NKAIN3: variants seen among roughly 807,000 people sequenced by gnomAD.
NKAIN3 encodes the protein sodium/potassium transporting ATPase interacting 3, also known as sodium/potassium-transporting ATPase subunit beta-1-interacting protein 3.
A neutral mutation model predicts 30.2 loss-of-function variants in NKAIN3; 25 were observed. The ratio of observed to expected loss-of-function variants is 0.83; its 90% CI spans 0.60 to 1.16. NKAIN3 has a LOEUF of 1.16. Ranked by LOEUF, NKAIN3 falls within the 50% of genes most tolerant of loss-of-function variation. NKAIN3 has a pLI of 0.00. For synonymous variants in NKAIN3, 91 were observed against 89.6 expected (o/e 1.02, Z -0.09); for missense variants, 225 against 254.1 (o/e 0.89, Z 0.78).
At chr8:62,714,030 A>T (rs1814812076) in intron 3 of NKAIN3, among the ~76,000 whole-genome samples, 1 of 152,096 alleles carries the variant, frequency 6.6e-6, no homozygotes, top group Admixed American at 6.6e-5. Flanking sequence ...TTTGTATTGG[A>T]TGTTTCATCG....
intron 4 of NKAIN3, among the ~76,000 whole-genome samples, chr8:62,824,481 C>A (rs7829744): frequency 0.013 from 1,926 of 146,796 alleles, 36 homozygotes; most frequent in African/African-American, 0.045. Context: ...GGAAAAAATA[C>A]CACCTCTTCA....
intron 3 of NKAIN3, among the ~76,000 whole-genome samples, chr8:62,622,058 C>A (rs1386612934): frequency 6.6e-6 from 1 of 151,938 alleles, no homozygotes; most frequent in African/African-American, 2.4e-5. Flanking sequence ...TAGCATATAG[C>A]CTTTAGGGAT....
At chr8:62,923,587 T>A (rs1467768133) in intron 5 of NKAIN3, among the ~76,000 whole-genome samples, 1 of 152,134 alleles carries the variant, frequency 6.6e-6, no homozygotes, top group African/African-American at 2.4e-5. Context: ...AAAGTAAACA[T>A]CCACTGTACC....
At chr8:62,873,399 A>T (rs950809711) in intron 4 of NKAIN3, among the ~76,000 whole-genome samples, 1 of 151,222 alleles carries the variant, frequency 6.6e-6, no homozygotes, top group Non-Finnish European at 1.5e-5. Context: ...GGAGATTTTA[A>T]CACCCCACTG....
intron 4 of NKAIN3, among the ~76,000 whole-genome samples, chr8:62,826,797 GGAAA>G (rs1389916792): frequency 2.0e-5 from 3 of 152,150 alleles, no homozygotes; most frequent in African/African-American, 7.2e-5. Context: ...ACTGTAGCTA[GGAAA>G]ACAGAGGAAG....
chr8:62,721,489 A>T (rs1270643625), intron 3 of NKAIN3, among the ~76,000 whole-genome samples: 1 of 152,178 alleles, frequency 6.6e-6, no homozygotes, highest in Non-Finnish European at 1.5e-5. Flanking sequence ...TTTCCTCTTA[A>T]CGATGAGACT....
chr8:62,560,230 T>G (rs1442854746), intron 1 of NKAIN3, among the ~76,000 whole-genome samples: 1 of 152,162 alleles, frequency 6.6e-6, no homozygotes, highest in Non-Finnish European at 1.5e-5. Context: ...AATTACGATA[T>G]AGCTTGCCAT....
chr8:62,516,110 A>G (rs1807975804), intron 1 of NKAIN3, among the ~76,000 whole-genome samples: 3 of 152,070 alleles, frequency 2.0e-5, no homozygotes, highest in Non-Finnish European at 4.4e-5. Flanking sequence ...AGGAGATTCA[A>G]GTGCTAAAGA....
intron 1 of NKAIN3, among the ~76,000 whole-genome samples, chr8:62,395,109 C>T (rs1308635244): frequency 6.7e-5 from 10 of 148,458 alleles, no homozygotes; most frequent in South Asian, 2.1e-4. Flanking sequence ...GATGGGGCGA[C>T]GGGACAGAGG....
At chr8:62,339,253 A>G (rs1373724127) in intron 1 of NKAIN3, among the ~76,000 whole-genome samples, 1 of 152,010 alleles carries the variant, frequency 6.6e-6, no homozygotes, top group Non-Finnish European at 1.5e-5. Flanking sequence ...AGAAAGGTAG[A>G]CAGGAACTGA....
rs561551348 is a variant in NKAIN3 at position 62,861,301 on chromosome 8, A to G, written c.472-57152A>G. 6.6e-5 allele frequency among the ~76,000 whole-genome samples: 10 copies of G among 152,294 alleles called. No individual in the cohort carries two copies. The South Asian group carries it at 1.9e-3, about 28-fold the overall frequency. On this transcript the variant is annotated intron_variant, in intron 4 of 6. Coordinates refer to ENST00000623646, the MANE Select transcript of NKAIN3 (RefSeq NM_001304533.3). ...GAGTAACTCCTCGAGCTGGGTGAAAACACCATGAACACAATAAACAAAGAC... is the reference window on the plus strand; with the variant it reads ...GAGTAACTCCTCGAGCTGGGTGAAAGCACCATGAACACAATAAACAAAGAC...
chr8:62,576,897 AAAT>A (rs1810126333), intron 1 of NKAIN3, among the ~76,000 whole-genome samples: 1 of 152,120 alleles, frequency 6.6e-6, no homozygotes, highest in Non-Finnish European at 1.5e-5. Context: ...TCATTATTAT[AAAT>A]ATTACAGTCA....
At chr8:62,867,597 T>A (rs1377075282) in intron 4 of NKAIN3, among the ~76,000 whole-genome samples, 1 of 152,222 alleles carries the variant, frequency 6.6e-6, no homozygotes, top group Non-Finnish European at 1.5e-5. Context: ...CACTCATCCA[T>A]GACTGCTCTC....
At chr8:62,499,426 A>G (rs1238467942) in intron 1 of NKAIN3, among the ~76,000 whole-genome samples, 1 of 152,076 alleles carries the variant, frequency 6.6e-6, no homozygotes, top group East Asian at 1.9e-4. Context: ...CCTATCTAGG[A>G]GGGAATTCCA....
At chr8:62,565,597 C>T (rs973617084) in intron 1 of NKAIN3, among the ~76,000 whole-genome samples, 1 of 152,080 alleles carries the variant, frequency 6.6e-6, no homozygotes, top group Admixed American at 6.6e-5. Context: ...TGAATATCTC[C>T]TACTACATAA....
intron 1 of NKAIN3, among the ~76,000 whole-genome samples, chr8:62,330,822 C>G (rs989316972): frequency 1.3e-5 from 2 of 151,806 alleles, no homozygotes; most frequent in African/African-American, 4.8e-5. Context: ...CTAGCCATAC[C>G]TTCTTTGCAT....
At chr8:62,801,943 A>T (rs1818078783) in intron 4 of NKAIN3, among the ~76,000 whole-genome samples, 1 of 152,232 alleles carries the variant, frequency 6.6e-6, no homozygotes, top group Non-Finnish European at 1.5e-5. Context: ...TGGAGCTGAA[A>T]GCCAAGGCTC....
At chr8:62,694,767 C>T (rs1814098717) in intron 3 of NKAIN3, among the ~76,000 whole-genome samples, 1 of 152,140 alleles carries the variant, frequency 6.6e-6, no homozygotes, top group South Asian at 2.1e-4. Flanking sequence ...CTCACTAAAA[C>T]CAAATATTAT....
intron 1 of NKAIN3, among the ~76,000 whole-genome samples, chr8:62,426,959 C>T (rs1001238122): frequency 6.6e-6 from 1 of 151,948 alleles, no homozygotes; most frequent in African/African-American, 2.4e-5. Flanking sequence ...TTGGTAAGCA[C>T]CTGTAGATCA....
Sources: allele counts gnomAD v4.1 joint callset (sites outside exome capture counted in the v4.1 genomes callset), GRCh38; gene constraint gnomAD v4.1.1; transcripts MANE v1.5; gene names NCBI Gene and HGNC (gene_info 2026-07-23, HGNC 2026-07-21).